The following LRCH2 variants were observed in gnomAD, a reference collection of about 807,000 sequenced individuals.
LRCH2 encodes leucine rich repeats and calponin homology domain containing 2.
Under a neutral mutation model 68.9 loss-of-function variants are expected in LRCH2, and 38 were observed. The observed-to-expected ratio is 0.55, with a 90% CI of 0.43 to 0.72. The LOEUF is 0.72. Ranked by LOEUF, LRCH2 falls within the 30% of genes least tolerant of loss-of-function variation. The probability of loss-of-function intolerance (pLI) is 0.00; values close to 1 mark genes in which losing one functional copy is unlikely to be tolerated. For missense variants in LRCH2, 528 were observed against 572.9 expected (o/e 0.92, Z 0.80); for synonymous variants, 191 against 208.1 (o/e 0.92, Z 0.71).
chrX:115,221,102 G>A (rs1468752309), intron 1 of LRCH2, among the ~76,000 whole-genome samples: 2 of 100,000 alleles, frequency 2.0e-5, no homozygotes, highest in Non-Finnish European at 4.0e-5. Context: ...GCGTGAACCT[G>A]GGAGGCAGAG....
In LRCH2 at chrX:115,191,920, G is replaced by A. The variant is rs377294999; in HGVS notation, c.350-3550C>T. The stretch of plus-strand genomic sequence containing the variant: ...CGAGGAGAACCGAGGTCACTCTCTC[G>A]ATGCCAACAGCGGAGGCCACTCACC... On this transcript the variant is annotated intron_variant, in intron 1 of 20. Transcript: ENST00000317135. 172 of 1,165,123 alleles carry A rather than the reference G, an allele frequency of 1.5e-4. 1 individual carries two copies. In the South Asian group the frequency reaches 2.1e-3, roughly 14 times the overall value.
chrX:115,151,783 G>C (rs1359899595), intron 12 of LRCH2, among the ~76,000 whole-genome samples: 3 of 111,156 alleles, frequency 2.7e-5, no homozygotes, highest in East Asian at 2.8e-4. Flanking sequence ...TGAGTAAGGA[G>C]GTAAATCCCA....
intron 14 of LRCH2, among the ~76,000 whole-genome samples, chrX:115,134,238 A>G (rs2072269791): frequency 2.7e-5 from 3 of 112,466 alleles, no homozygotes; most frequent in African/African-American, 6.5e-5. Context: ...GTTGGTTCAT[A>G]AGATTGAAGG....
chrX:115,116,696 A>T (rs1293678306), intron 20 of LRCH2, among the ~76,000 whole-genome samples: 1 of 111,404 alleles, frequency 9.0e-6, no homozygotes, highest in Non-Finnish European at 1.9e-5. Flanking sequence ...TATTTTCTTA[A>T]AAAAATCAAT....
In LRCH2 at chrX:115,233,909, T is replaced by A. The variant is rs990357564; in HGVS notation, c.133A>T (p.Thr45Ser). 11 of 1,159,321 alleles carry A rather than the reference T, an allele frequency of 9.5e-6. No individual in the cohort carries two copies. In the Admixed American group the frequency reaches 1.1e-4, roughly 11 times the overall value. Residue 45 changes from threonine (T) to serine (S), a missense_variant, in exon 1 of 21, where the codon ACC becomes TCC. By Grantham distance (58) the Thr-to-Ser change is moderately conservative. Transcript: ENST00000317135. ...AGGGGGGGGG[T>S]LVVPIPVPTL... Reference sequence around the variant, plus strand: ...GGTACCGGGATGGGGACCACCAGGGTCCCGCCGCCGCCGCCGCCTCCCCCT... The same window carrying A: ...GGTACCGGGATGGGGACCACCAGGGACCCGCCGCCGCCGCCGCCTCCCCCT...
chrX:115,150,677 T>C (rs782336963), intron 12 of LRCH2, among the ~76,000 whole-genome samples: 20 of 111,052 alleles, frequency 1.8e-4, no homozygotes, highest in African/African-American at 5.2e-4. Context: ...CTTAACACTA[T>C]TGTGGAATTT....
chrX:115,233,547 A>G, intron 1 of LRCH2, 146 bp downstream of exon 1: 1 of 546,232 alleles, frequency 1.8e-6, no homozygotes, highest in South Asian at 3.4e-5. Flanking sequence ...CCTCACGTTC[A>G]GGAGAACGGG....
chrX:115,224,105 C>A (rs937617975), intron 1 of LRCH2, among the ~76,000 whole-genome samples: 2 of 111,321 alleles, frequency 1.8e-5, no homozygotes, highest in Non-Finnish European at 3.8e-5. Context: ...TTAAAGAAGC[C>A]AATCATAAAA....
intron 15 of LRCH2, among the ~76,000 whole-genome samples, chrX:115,129,739 T>C: frequency 8.9e-6 from 1 of 111,863 alleles, no homozygotes. Flanking sequence ...TAGAAAGGTT[T>C]ATGGTAATGC....
At chrX:115,159,705 C>T (rs1193185693) in intron 11 of LRCH2, among the ~76,000 whole-genome samples, 4 of 103,697 alleles carry the variant, frequency 3.9e-5, no homozygotes, top group Non-Finnish European at 7.8e-5. Context: ...GAACCGAGAT[C>T]ACGCCACTGC....
intron 1 of LRCH2, among the ~76,000 whole-genome samples, chrX:115,216,829 TG>T (rs782188572): frequency 2.6e-4 from 29 of 111,533 alleles, no homozygotes; most frequent in African/African-American, 8.8e-4. Context: ...GAAGAGAAGA[TG>T]AAGAAGGTTC....
chrX:115,155,327 T>A (rs1401362820), intron 12 of LRCH2, among the ~76,000 whole-genome samples: 2 of 110,336 alleles, frequency 1.8e-5, no homozygotes, highest in African/African-American at 6.6e-5. Context: ...GTCACAGAAT[T>A]TAAAATATAT....
Position 115,111,116 on chromosome X carries a change from T to C in LRCH2, c.*2100A>G, listed in dbSNP as rs2147334674. The C allele has an allele frequency of 8.9e-6, 1 of 111,762 alleles. No individual in the cohort carries two copies. Among genetic ancestry groups the C allele is most frequent in the Non-Finnish European group, 1.9e-5 (1 of 53,137 alleles). 9.2% of individuals were successfully genotyped at this position (111,762 alleles called of 1,213,427 possible). On this transcript the variant is annotated 3_prime_UTR_variant, in exon 21 of 21. Coordinates refer to ENST00000317135, the MANE Select transcript of LRCH2 (RefSeq NM_020871.4). ...ATTGTAGGGGACCATGCTGTGAAAC[T>C]GCTTTAGACGTGGTGTTGCCATTTG... is the stretch of plus-strand genomic sequence containing the variant.
chrX:115,120,227 A>C (rs1257689102), intron 20 of LRCH2, among the ~76,000 whole-genome samples: 1 of 95,302 alleles, frequency 1.0e-5, no homozygotes, highest in Non-Finnish European at 2.1e-5. Flanking sequence ...ATCAGAGTGA[A>C]CAGGCAACCT....
intron 11 of LRCH2, 108 bp from the exon 12 acceptor site, chrX:115,156,775 C>T: frequency 2.4e-6 from 1 of 408,651 alleles, no homozygotes; most frequent in Non-Finnish European, 4.0e-6. Flanking sequence ...AAGATCTTTG[C>T]TAGAAAATAA....
At chrX:115,141,595 A>T (rs2072339142) in intron 14 of LRCH2, among the ~76,000 whole-genome samples, 1 of 110,542 alleles carries the variant, frequency 9.0e-6, no homozygotes. Flanking sequence ...TCCCAGCTTG[A>T]CCTTTCCCTT....
intron 1 of LRCH2, chrX:115,198,861 T>C (rs928400716): frequency 1.8e-5 from 2 of 111,640 alleles, no homozygotes; most frequent in Non-Finnish European, 3.8e-5. Flanking sequence ...GAAACTCCAT[T>C]AGACTAACAT....
chrX:115,153,644 G>GA (rs1357248031), intron 12 of LRCH2, among the ~76,000 whole-genome samples: 25 of 109,789 alleles, frequency 2.3e-4, no homozygotes, highest in Middle Eastern at 4.7e-3. Flanking sequence ...GGCTAAAAAG[G>GA]AAAAAAAATA....
In LRCH2 at chrX:115,122,813, T is replaced by C; in HGVS notation, c.2047A>G (p.Asn683Asp). Residue 683 changes from asparagine (N) to aspartate (D), a missense_variant, in exon 19 of 21, where the codon AAT becomes GAT. By Grantham distance (23) the Asn-to-Asp change is conservative. Coordinates refer to ENST00000317135, the MANE Select transcript of LRCH2 (RefSeq NM_020871.4). ...GCAACAGAACGTGGCCTTATATGAT[T>C]GGCTAAATGGCAAAGAACAACCCCA... is the stretch of plus-strand genomic sequence containing the variant. ...MDGVVLCHLA[N>D]HIRPRSVASI... 8.3e-7 allele frequency: 1 copy of C among 1,210,212 alleles called. No homozygotes were observed. The highest frequency in any genetic ancestry group is 1.1e-6 in the Non-Finnish European group (1 of 894,396).
Sources: gnomAD v4.1 joint callset for allele counts (sites outside exome capture counted in the v4.1 genomes callset) on GRCh38, gnomAD v4.1.1 for gene constraint, MANE v1.5 for transcripts, NCBI Gene and HGNC (gene_info 2026-07-23, HGNC 2026-07-21) for gene names.